SLC4A10: variants seen among roughly 807,000 people sequenced by gnomAD.
SLC4A10 encodes the protein sodium-driven chloride bicarbonate exchanger.
SLC4A10 carries 42 observed loss-of-function variants against 137.7 expected under a neutral mutation model. That is an observed-to-expected ratio of 0.30 (90% CI 0.24 to 0.39). The LOEUF (loss-of-function observed/expected upper bound fraction) is 0.39, where lower values mean the gene tolerates loss of function less well. SLC4A10 is among the 10% of genes least tolerant of loss of function. The pLI, the probability that SLC4A10 is intolerant of heterozygous loss-of-function variation, is 1.00. For missense variants in SLC4A10, 925 were observed against 1,355.0 expected (o/e 0.68, Z 4.98); for synonymous variants, 474 against 464.1 (o/e 1.02, Z -0.27).
intron 3 of SLC4A10, among the ~76,000 whole-genome samples, chr2:161,836,015 C>A (rs2058743802): frequency 6.6e-6 from 1 of 152,164 alleles, no homozygotes; most frequent in African/African-American, 2.4e-5. Context: ...AGTGGATGAA[C>A]TTTTTTCCAG....
intron 3 of SLC4A10, among the ~76,000 whole-genome samples, chr2:161,818,903 A>T (rs1442630547): frequency 6.6e-6 from 1 of 152,176 alleles, no homozygotes; most frequent in Non-Finnish European, 1.5e-5. Context: ...GGATTTTTGC[A>T]TCAATATTCA....
chr2:161,702,803 A>G (rs868463569), intron 1 of SLC4A10, among the ~76,000 whole-genome samples: 3 of 151,954 alleles, frequency 2.0e-5, no homozygotes, highest in South Asian at 2.1e-4. Flanking sequence ...AATCCTAAGT[A>G]TGTTCTCTAT....
intron 3 of SLC4A10, among the ~76,000 whole-genome samples, chr2:161,824,107 A>G (rs2125704092): frequency 6.6e-6 from 1 of 152,320 alleles, no homozygotes; most frequent in African/African-American, 2.4e-5. Flanking sequence ...TCAATGTTGG[A>G]CAATGCCTCT....
At position 161,872,296 on chromosome 2, in the gene SLC4A10, G is replaced by A; in HGVS notation, c.770G>A (p.Gly257Asp). ...SEPNSMDKNAGQVVSPQSAPA... is the reference protein window; with the variant it reads ...SEPNSMDKNADQVVSPQSAPA... ...CTGTCACAACAATCTCTTTTAGCAG[G>A]TCAGGTTGTTTCTCCTCAGTCTGCT... The change falls in exon 7 of 27, where the codon GGT becomes GAT. Residue 257 changes from glycine to aspartate, a missense_variant. Gly to Asp is a moderately conservative substitution (Grantham distance 94). This residue lies in a region of SLC4A10 where 277 missense variants were observed against 306.1 expected (regional missense o/e 0.90). Transcript: ENST00000446997. The A allele has an allele frequency of 6.2e-7, 1 of 1,612,390 alleles. No homozygotes were observed. Among genetic ancestry groups the A allele is most frequent in the South Asian group, 1.1e-5 (1 of 91,020 alleles).
chr2:161,690,027 GA>G (rs1186995456), intron 1 of SLC4A10, among the ~76,000 whole-genome samples: 43 of 152,006 alleles, frequency 2.8e-4, no homozygotes, highest in South Asian at 2.1e-4. Flanking sequence ...GACAGAATAG[GA>G]AAAAAGTTTT....
intron 2 of SLC4A10, among the ~76,000 whole-genome samples, chr2:161,771,690 T>G (rs543352071): frequency 6.6e-6 from 1 of 152,026 alleles, no homozygotes; most frequent in East Asian, 1.9e-4. Flanking sequence ...AGTTTTTCTA[T>G]GAGAATTAAG....
intron 3 of SLC4A10, among the ~76,000 whole-genome samples, chr2:161,822,070 C>T (rs1416537324): frequency 6.6e-6 from 1 of 152,146 alleles, no homozygotes; most frequent in Non-Finnish European, 1.5e-5. Context: ...ACTCCTTATT[C>T]ATAACTGTGA....
intron 1 of SLC4A10, among the ~76,000 whole-genome samples, chr2:161,769,793 T>G (rs999748639): frequency 7.2e-5 from 11 of 151,890 alleles, no homozygotes; most frequent in African/African-American, 2.7e-4. Flanking sequence ...TCTCTGTTCT[T>G]TCCATGCTCT....
At chr2:161,967,191 C>T (rs1285424983) in intron 23 of SLC4A10, among the ~76,000 whole-genome samples, 4 of 152,154 alleles carry the variant, frequency 2.6e-5, no homozygotes, top group African/African-American at 9.7e-5. Context: ...TCGGTTTCCT[C>T]CCACATCCCC....
At chr2:161,771,802 CTAA>C (rs2051648738) in intron 2 of SLC4A10, among the ~76,000 whole-genome samples, 1 of 151,776 alleles carries the variant, frequency 6.6e-6, no homozygotes, top group South Asian at 2.1e-4. Flanking sequence ...CTAATTGTTA[CTAA>C]TGAGAAATTG....
At chr2:161,881,928 T>A (rs1454232513) in intron 9 of SLC4A10, among the ~76,000 whole-genome samples, 1 of 152,070 alleles carries the variant, frequency 6.6e-6, no homozygotes, top group Non-Finnish European at 1.5e-5. Flanking sequence ...ATATTTTCTC[T>A]GTTTTGCTAC....
chr2:161,905,895 C>A lies in SLC4A10; in HGVS notation c.1997+8C>A, dbSNP rs759065268. On this transcript the variant is annotated splice_region_variant and intron_variant, in intron 15 of 26. Coordinates refer to ENST00000446997, the MANE Select transcript of SLC4A10 (RefSeq NM_001178015.2). Reference sequence around the variant, plus strand: ...ACTGCTGACACAATACTCGTAAGTACCATTTCCCCTGCTGGCCTTGGGGCT... The same window carrying A: ...ACTGCTGACACAATACTCGTAAGTAACATTTCCCCTGCTGGCCTTGGGGCT... 2.0e-5 allele frequency: 32 copies of A among 1,587,224 alleles called. 1 individual carries two copies. The South Asian group carries it at 3.4e-4, about 17-fold the overall frequency.
rs184325163 is a variant in SLC4A10 at position 161,669,737 on chromosome 2, G to A, written c.48+45171G>A. Among the ~76,000 whole-genome samples, 4 of 152,010 alleles carry A rather than the reference G, an allele frequency of 2.6e-5. No homozygotes were observed. The South Asian group carries it at 6.2e-4, about 24-fold the overall frequency. On this transcript the variant is annotated intron_variant, in intron 1 of 26. Transcript: ENST00000446997. Reference sequence around the variant, plus strand: ...AGGAAAATATGCTGCTCTTATTTTTGTTTTAAAGATGAGGCTTGTTGTTGC... The same window carrying A: ...AGGAAAATATGCTGCTCTTATTTTTATTTTAAAGATGAGGCTTGTTGTTGC...
chr2:161,697,281 T>C (rs976158304), intron 1 of SLC4A10, among the ~76,000 whole-genome samples: 3 of 152,206 alleles, frequency 2.0e-5, no homozygotes, highest in African/African-American at 7.2e-5. Context: ...TGGTAGTTTC[T>C]TTTGCTGTGC....
At chr2:161,672,352 A>G (rs1395554565) in intron 1 of SLC4A10, among the ~76,000 whole-genome samples, 2 of 152,198 alleles carry the variant, frequency 1.3e-5, no homozygotes, top group Non-Finnish European at 2.9e-5. Context: ...TGTTTAAAAA[A>G]ACAAAAAAAT....
Position 161,932,525 on chromosome 2 carries a change from C to T in SLC4A10, c.1998-10267C>T, listed in dbSNP as rs545173741. 1.1e-4 allele frequency among the ~76,000 whole-genome samples: 17 copies of T among 152,222 alleles called. No homozygotes were observed. The East Asian group carries it at 2.7e-3, about 24-fold the overall frequency. On this transcript the variant is annotated intron_variant, in intron 15 of 26. Transcript: ENST00000446997. ...ATCCTTAATCCTTAGTCTAGTACCT[C>T]GGTATCTTCATTAAGTATGAAAGGT... is the stretch of plus-strand genomic sequence containing the variant.
chr2:161,798,573 A>G (rs904006262), intron 2 of SLC4A10, among the ~76,000 whole-genome samples: 2 of 151,798 alleles, frequency 1.3e-5, no homozygotes, highest in Admixed American at 6.6e-5. Context: ...GTTGAACATA[A>G]TAATAGCCAC....
intron 2 of SLC4A10, among the ~76,000 whole-genome samples, chr2:161,796,208 G>A (rs529506998): frequency 6.6e-6 from 1 of 152,000 alleles, no homozygotes; most frequent in Non-Finnish European, 1.5e-5. Flanking sequence ...AGCTATTGCT[G>A]TGTCACAATC....
chr2:161,653,198 G>T lies in SLC4A10; in HGVS notation c.48+28632G>T, dbSNP rs578118687. On this transcript the variant is annotated intron_variant, in intron 1 of 26. Transcript: ENST00000446997. Reference sequence around the variant, plus strand: ...CATGAACTCATCCTTTTTTATGGCTGCATGGTATTCCATGGTGTATATGTG... The same window carrying T: ...CATGAACTCATCCTTTTTTATGGCTTCATGGTATTCCATGGTGTATATGTG... Among the ~76,000 whole-genome samples, 3 of 152,236 alleles carry T rather than the reference G, an allele frequency of 2.0e-5. No individual in the cohort carries two copies. In the East Asian group the frequency reaches 5.8e-4, roughly 29 times the overall value.
Sources: gnomAD v4.1 joint callset for allele counts (sites outside exome capture counted in the v4.1 genomes callset) on GRCh38, gnomAD v4.1.1 for gene constraint, gnomAD v4.1.1 regional missense constraint, MANE v1.5 for transcripts, NCBI Gene and HGNC (gene_info 2026-07-23, HGNC 2026-07-21) for gene names.